NRG3: variants seen among roughly 807,000 people sequenced by gnomAD.
NRG3 encodes the protein neuregulin 3, also known as pro-neuregulin-3, membrane-bound isoform.
Under a neutral mutation model 66.9 loss-of-function variants are expected in NRG3, and 31 were observed. The ratio of observed to expected loss-of-function variants is 0.46; its 90% confidence interval spans 0.35 to 0.63. The LOEUF is 0.63. Among genes scored for constraint, NRG3 ranks in the 20% least tolerant of loss-of-function variants. The pLI, the probability that NRG3 is intolerant of heterozygous loss-of-function variation, is 0.00. For synonymous variants in NRG3, 393 were observed against 359.4 expected (o/e 1.09, Z -1.06); for missense variants, 910 against 878.9 (o/e 1.04, Z -0.45).
intron 1 of NRG3, among the ~76,000 whole-genome samples, chr10:82,253,221 C>G (rs1029341064): frequency 6.6e-6 from 1 of 152,128 alleles, no homozygotes. Flanking sequence ...TCTGACCTCA[C>G]GAAACTCCCA....
chr10:82,267,116 A>G (rs2078339445), intron 1 of NRG3, among the ~76,000 whole-genome samples: 1 of 152,172 alleles, frequency 6.6e-6, no homozygotes, highest in Non-Finnish European at 1.5e-5. Context: ...GCTATATTCT[A>G]GGGCTCAGAT....
chr10:82,007,211 CTT>C (rs34146080), intron 1 of NRG3, among the ~76,000 whole-genome samples: 7 of 130,504 alleles, frequency 5.4e-5, no homozygotes, highest in Non-Finnish European at 9.5e-5. Flanking sequence ...TTTTTCTTTT[CTT>C]TTTTTTTTTT....
chr10:82,633,955 A>G (rs2050012837), intron 2 of NRG3, among the ~76,000 whole-genome samples: 1 of 152,146 alleles, frequency 6.6e-6, no homozygotes, highest in African/African-American at 2.4e-5. Flanking sequence ...GAGAAAAAGA[A>G]CCTGAATTTT....
At chr10:82,667,543 AT>A (rs952839475) in intron 2 of NRG3, among the ~76,000 whole-genome samples, 4 of 151,770 alleles carry the variant, frequency 2.6e-5, no homozygotes, top group Non-Finnish European at 5.9e-5. Flanking sequence ...AGGAAAGCTA[AT>A]TTTTTTTTAA....
chr10:82,229,547 C>T (rs1032869475), intron 1 of NRG3, among the ~76,000 whole-genome samples: 5 of 152,170 alleles, frequency 3.3e-5, no homozygotes, highest in African/African-American at 7.2e-5. Flanking sequence ...GTTTAATTGA[C>T]TCACAGTTCT....
chr10:81,925,167 A>G (rs1846648102), intron 1 of NRG3, among the ~76,000 whole-genome samples: 1 of 152,214 alleles, frequency 6.6e-6, no homozygotes, highest in Non-Finnish European at 1.5e-5. Flanking sequence ...AAATGATTTT[A>G]TTAAAGAGCT....
intron 3 of NRG3, among the ~76,000 whole-genome samples, chr10:82,784,451 C>A (rs1002223099): frequency 5.9e-5 from 9 of 152,062 alleles, no homozygotes; most frequent in Non-Finnish European, 1.0e-4. Context: ...ATTTTTGCAA[C>A]CTACTCATCT....
intron 1 of NRG3, among the ~76,000 whole-genome samples, chr10:82,168,251 A>C (rs1783187203): frequency 6.6e-6 from 1 of 152,112 alleles, no homozygotes; most frequent in Non-Finnish European, 1.5e-5. Flanking sequence ...GCTTATATTA[A>C]AAATGCTGTG....
rs1035606339 is a variant in NRG3, at chr10:82,124,911, A to G, written c.824-233828A>G. 7.2e-5 allele frequency among the ~76,000 whole-genome samples: 11 copies of G among 151,926 alleles called. 1 individual carries two copies. The highest frequency in any genetic ancestry group is 1.5e-5 in the Non-Finnish European group (1 of 67,962). The stretch of plus-strand genomic sequence containing the variant: ...CCGATTGTCAGCTTCTCAATAGACC[A>G]ATCATCATCCCCATTTGACAAGCAC... On this transcript the variant is annotated intron_variant, in intron 1 of 8. Coordinates refer to ENST00000372141, the MANE Select transcript of NRG3 (RefSeq NM_001010848.4).
chr10:82,805,198 G>A (rs558099778), intron 3 of NRG3, among the ~76,000 whole-genome samples: 2 of 152,294 alleles, frequency 1.3e-5, no homozygotes, highest in Non-Finnish European at 2.9e-5. Flanking sequence ...CCTTTGAGTG[G>A]TTAGAGTCTT....
At chr10:82,607,969 CT>C (rs1455688504) in intron 2 of NRG3, among the ~76,000 whole-genome samples, 1 of 152,100 alleles carries the variant, frequency 6.6e-6, no homozygotes, top group Non-Finnish European at 1.5e-5. Context: ...TCTTGACAAA[CT>C]TTAACCTGAC....
At chr10:82,147,805 T>C (rs1259967081) in intron 1 of NRG3, among the ~76,000 whole-genome samples, 1 of 152,168 alleles carries the variant, frequency 6.6e-6, no homozygotes, top group Non-Finnish European at 1.5e-5. Context: ...TCCAAATGAC[T>C]CTGTAAGATG....
At chr10:81,960,066 C>A (rs376474263) in intron 1 of NRG3, among the ~76,000 whole-genome samples, 11 of 152,132 alleles carry the variant, frequency 7.2e-5, no homozygotes, top group African/African-American at 2.6e-4. Flanking sequence ...GCCTATATTA[C>A]CCTCTGTTAA....
chr10:82,223,387 G>A (rs1423920919), intron 1 of NRG3, among the ~76,000 whole-genome samples: 1 of 152,022 alleles, frequency 6.6e-6, no homozygotes, highest in African/African-American at 2.4e-5. Flanking sequence ...GTAATAGTCT[G>A]CACCCTAGAT....
At chr10:82,093,586 A>G (rs567722579) in intron 1 of NRG3, among the ~76,000 whole-genome samples, 2 of 152,286 alleles carry the variant, frequency 1.3e-5, no homozygotes, top group South Asian at 2.1e-4. Context: ...AATTACACTC[A>G]TTGCTCATAT....
intron 8 of NRG3, 60 bp from the exon 9 acceptor site, chr10:82,985,038 G>A: frequency 4.5e-6 from 7 of 1,570,184 alleles, no homozygotes; most frequent in South Asian, 3.6e-5. Context: ...TGTGGATTGA[G>A]TATTGCTCTA....
rs148514548 is a variant in NRG3, at chr10:82,884,499, CTAAAG to C, written c.1054+19066_1054+19070del. Reference sequence around the variant, plus strand: ...ATTAATGTTTAAATTCTCATCAAAACTAAAGTAATTTTTAAAATGCCATTGTTGGT... The same window carrying C: ...ATTAATGTTTAAATTCTCATCAAAACTAATTTTTAAAATGCCATTGTTGGT... On this transcript the variant is annotated intron_variant, in intron 4 of 8. Transcript: ENST00000372141. Among the ~76,000 whole-genome samples the C allele has an allele frequency of 9.5e-3, 1,440 of 152,200 alleles. 63 individuals are homozygous for C. The East Asian group carries it at 0.13, about 13-fold the overall frequency.
chr10:82,341,613 T>G (rs916149877), intron 1 of NRG3, among the ~76,000 whole-genome samples: 10 of 152,222 alleles, frequency 6.6e-5, no homozygotes, highest in African/African-American at 2.4e-4. Flanking sequence ...TGTTTTATTT[T>G]TATAGATTTA....
At chr10:82,669,789 G>C (rs928027313) in intron 2 of NRG3, among the ~76,000 whole-genome samples, 1 of 151,944 alleles carries the variant, frequency 6.6e-6, no homozygotes, top group African/African-American at 2.4e-5. Context: ...TAAGCCGGGC[G>C]TGGTGGTGGG....
Sources: allele counts gnomAD v4.1 joint callset (sites outside exome capture counted in the v4.1 genomes callset), GRCh38; gene constraint gnomAD v4.1.1; transcripts MANE v1.5; gene names NCBI Gene and HGNC (gene_info 2026-07-23, HGNC 2026-07-21).